Variants in DENND1A observed in about 807,000 individuals in gnomAD.
DENND1A encodes the protein DENN domain-containing protein 1A.
A neutral mutation model predicts 113.7 loss-of-function variants in DENND1A; 51 were observed. The ratio of observed to expected loss-of-function variants is 0.45; its 90% CI spans 0.36 to 0.57. The LOEUF (loss-of-function observed/expected upper bound fraction) is 0.57. DENND1A is among the 20% of genes least tolerant of loss of function. DENND1A has a pLI of 0.00. For missense variants in DENND1A, 1,258 were observed against 1,395.9 expected, an observed-to-expected ratio of 0.90 and a Z score of 1.57; for synonymous variants, 565 against 570.8, an observed-to-expected ratio of 0.99 and a Z score of 0.14.
chr9:123,519,214 C>T (rs1053743757), intron 13 of DENND1A, among the ~76,000 whole-genome samples: 2 of 152,232 alleles, frequency 1.3e-5, no homozygotes, highest in Non-Finnish European at 2.9e-5. Flanking sequence ...GTAAATGGTA[C>T]ATCGGTCTGT....
intron 5 of DENND1A, among the ~76,000 whole-genome samples, chr9:123,685,729 G>A (rs1047363826): frequency 6.6e-6 from 1 of 152,098 alleles, no homozygotes; most frequent in Non-Finnish European, 1.5e-5. Context: ...TGGAATAATG[G>A]CACCTGCACT....
At chr9:123,529,791 C>T (rs866568409) in intron 13 of DENND1A, among the ~76,000 whole-genome samples, 2 of 152,152 alleles carry the variant, frequency 1.3e-5, no homozygotes, top group Admixed American at 6.6e-5. Context: ...TGATGTGAAG[C>T]TACTTCACTA....
At chr9:123,922,014 T>A (rs1478366615) in intron 1 of DENND1A, among the ~76,000 whole-genome samples, 1 of 151,906 alleles carries the variant, frequency 6.6e-6, no homozygotes, top group Non-Finnish European at 1.5e-5. Context: ...CTCCGTCTCC[T>A]GAGCTCTGTG....
chr9:123,867,985 C>G (rs891192292), intron 2 of DENND1A, among the ~76,000 whole-genome samples: 5 of 152,112 alleles, frequency 3.3e-5, no homozygotes, highest in Non-Finnish European at 5.9e-5. Flanking sequence ...GACAGAGAAT[C>G]AAGAGATAGG....
intron 18 of DENND1A, 116 bp from the exon 19 acceptor site, chr9:123,440,607 C>G: frequency 7.5e-7 from 1 of 1,329,128 alleles, no homozygotes; most frequent in Non-Finnish European, 9.7e-7. Context: ...CTGAGCCTGA[C>G]CTCTTGATGA....
At chr9:123,445,743 T>G (rs1446441446) in intron 18 of DENND1A, among the ~76,000 whole-genome samples, 1 of 152,180 alleles carries the variant, frequency 6.6e-6, no homozygotes, top group Non-Finnish European at 1.5e-5. Context: ...GATGGGTGCC[T>G]GTAATCCCAG....
At chr9:123,698,740 C>T (rs2065684556) in intron 5 of DENND1A, among the ~76,000 whole-genome samples, 1 of 152,186 alleles carries the variant, frequency 6.6e-6, no homozygotes, top group African/African-American at 2.4e-5. Context: ...TTGGCTCAAG[C>T]CACTGGCAAC....
chr9:123,646,676 C>T (rs77279938), intron 9 of DENND1A, among the ~76,000 whole-genome samples: 4,187 of 152,110 alleles, frequency 0.028, 61 homozygotes, highest in African/African-American at 0.033. Context: ...TCCTACCGTA[C>T]GAGATATTTA....
intron 8 of DENND1A, among the ~76,000 whole-genome samples, chr9:123,664,154 C>T (rs145445493): frequency 5.6e-4 from 85 of 152,304 alleles, no homozygotes; most frequent in African/African-American, 2.0e-3. Flanking sequence ...TACATACATA[C>T]CTTTCCTATG....
chr9:123,878,879 A>G (rs1217985380), intron 2 of DENND1A, 72 bp downstream of exon 2: 7 of 1,460,264 alleles, frequency 4.8e-6, no homozygotes, highest in Middle Eastern at 3.5e-4. Flanking sequence ...TCATATTCAC[A>G]TATTATCTCA....
At chr9:123,889,975 G>A (rs916962619) in intron 1 of DENND1A, among the ~76,000 whole-genome samples, 9 of 151,106 alleles carry the variant, frequency 6.0e-5, no homozygotes, top group African/African-American at 1.9e-4. Flanking sequence ...CTCCATCTTC[G>A]GGAAAAAAAA....
intron 21 of DENND1A, chr9:123,402,053 A>AG (rs2043515297): frequency 8.3e-7 from 1 of 1,203,970 alleles, no homozygotes. Flanking sequence ...CATCCCCTTA[A>AG]GGAGGAATCT....
At chr9:123,805,435 C>T (rs996855766) in intron 2 of DENND1A, among the ~76,000 whole-genome samples, 7 of 141,420 alleles carry the variant, frequency 4.9e-5, no homozygotes, top group African/African-American at 1.9e-4. Context: ...GTAATTTATA[C>T]AATTTTTTTT....
intron 13 of DENND1A, among the ~76,000 whole-genome samples, chr9:123,479,806 A>G (rs1402064736): frequency 6.6e-6 from 1 of 152,226 alleles, no homozygotes; most frequent in Non-Finnish European, 1.5e-5. Flanking sequence ...CTTTGGTGGT[A>G]TTACACATTG....
intron 2 of DENND1A, among the ~76,000 whole-genome samples, chr9:123,823,265 T>C (rs932141269): frequency 6.6e-6 from 1 of 152,156 alleles, no homozygotes; most frequent in African/African-American, 2.4e-5. Flanking sequence ...TTAAAAGGCT[T>C]CCCCAGGAAT....
At chr9:123,499,080 C>G (rs1161385541) in intron 13 of DENND1A, among the ~76,000 whole-genome samples, 1 of 152,074 alleles carries the variant, frequency 6.6e-6, no homozygotes, top group Non-Finnish European at 1.5e-5. Context: ...GTTGCCCAGA[C>G]TGGAGTGCAG....
chr9:123,395,493 TGAC>T (rs2043075593), intron 21 of DENND1A, among the ~76,000 whole-genome samples: 4 of 146,094 alleles, frequency 2.7e-5, no homozygotes, highest in Non-Finnish European at 6.0e-5. Flanking sequence ...TGTGTGTGTG[TGAC>T]AGAGAGAGAG....
intron 15 of DENND1A, among the ~76,000 whole-genome samples, chr9:123,455,381 T>C (rs1463667283): frequency 1.3e-5 from 2 of 152,248 alleles, no homozygotes; most frequent in African/African-American, 4.8e-5. Context: ...CACCACCTTA[T>C]GTCCCACCAC....
chr9:123,782,651 G>A (rs540943520), intron 3 of DENND1A, among the ~76,000 whole-genome samples: 9 of 152,282 alleles, frequency 5.9e-5, no homozygotes, highest in African/African-American at 1.9e-4. Flanking sequence ...CCTGGGGGAT[G>A]TAAAAGATTC....
Sources: gnomAD v4.1 joint callset for allele counts (sites outside exome capture counted in the v4.1 genomes callset) on GRCh38, gnomAD v4.1.1 for gene constraint, MANE v1.5 for transcripts, NCBI Gene and HGNC (gene_info 2026-07-23, HGNC 2026-07-21) for gene names.